The following PLPP3 variants were observed in gnomAD, a reference collection of about 807,000 sequenced individuals.
PLPP3 encodes the protein PAP2 beta.
In PLPP3, 6 loss-of-function variants were observed where a neutral mutation model predicts 29.6. The observed-to-expected ratio is 0.20, with a 90% CI of 0.11 to 0.40. The LOEUF (loss-of-function observed/expected upper bound fraction) is 0.40, where lower values mean the gene tolerates loss of function less well. PLPP3 is among the 10% of genes least tolerant of loss of function. The pLI is 1.00. For missense variants in PLPP3, 308 were observed against 407.7 expected (o/e 0.76, Z 2.11); for synonymous variants, 152 against 159.7 (o/e 0.95, Z 0.36).
chr1:56,502,270 T>A (rs1645672883), intron 5 of PLPP3, among the ~76,000 whole-genome samples: 1 of 152,150 alleles, frequency 6.6e-6, no homozygotes, highest in South Asian at 2.1e-4. Flanking sequence ...AAAATAGGAA[T>A]CCCATCCTTA....
chr1:56,554,528 C>T (rs193072607), intron 1 of PLPP3, among the ~76,000 whole-genome samples: 30 of 149,796 alleles, frequency 2.0e-4, no homozygotes, highest in Admixed American at 1.5e-3. Context: ...GCAGAGATCA[C>T]GCCTCTGCAC....
At position 56,524,919 on chromosome 1, in the gene PLPP3, A is replaced by G. The variant is rs1645843618; in HGVS notation, c.298-365T>C. 6.6e-6 allele frequency among the ~76,000 whole-genome samples: 1 copy of G among 152,078 alleles called. No homozygotes were observed. The highest frequency in any genetic ancestry group is 1.5e-5 in the Non-Finnish European group (1 of 68,008). On this transcript the variant is annotated intron_variant, in intron 2 of 5. Coordinates refer to ENST00000371250, the MANE Select transcript of PLPP3 (RefSeq NM_003713.5). The surrounding 1 kb of genome is among the most constrained non-coding windows in gnomAD (Gnocchi z 4.3). Reference sequence around the variant, plus strand: ...ATCAACGACAAGGTAAAGGGTAGCTATGATGTCACAGGGTCTGAGCAAATC... The same window carrying G: ...ATCAACGACAAGGTAAAGGGTAGCTGTGATGTCACAGGGTCTGAGCAAATC...
intron 1 of PLPP3, chr1:56,538,616 A>T: frequency 2.8e-6 from 1 of 353,110 alleles, no homozygotes; most frequent in South Asian, 3.0e-5. Flanking sequence ...ATGCCCCACA[A>T]GTGTTACCAT....
intron 1 of PLPP3, among the ~76,000 whole-genome samples, chr1:56,552,230 A>T (rs1314744673): frequency 6.6e-6 from 1 of 151,826 alleles, no homozygotes; most frequent in Non-Finnish European, 1.5e-5. Context: ...TATAAAAAAA[A>T]AAAAAAAAAA....
At chr1:56,516,689 G>C (rs1396601770) in intron 4 of PLPP3, among the ~76,000 whole-genome samples, 2 of 151,276 alleles carry the variant, frequency 1.3e-5, no homozygotes, top group Non-Finnish European at 2.9e-5. Flanking sequence ...TGCAGCCACA[G>C]CAACTAGATT....
intron 1 of PLPP3, among the ~76,000 whole-genome samples, chr1:56,539,417 T>A (rs192199946): frequency 3.9e-5 from 6 of 152,242 alleles, no homozygotes; most frequent in Non-Finnish European, 7.3e-5. Flanking sequence ...TCACTGTGCA[T>A]ACACACATGG....
At chr1:56,543,261 C>G (rs1196681877) in intron 1 of PLPP3, among the ~76,000 whole-genome samples, 2 of 152,132 alleles carry the variant, frequency 1.3e-5, no homozygotes, top group Non-Finnish European at 2.9e-5. Context: ...TTAATCTCCA[C>G]GATAGCTATG....
intron 2 of PLPP3, among the ~76,000 whole-genome samples, chr1:56,527,049 T>C (rs1272694566): frequency 2.6e-5 from 4 of 152,214 alleles, no homozygotes; most frequent in Non-Finnish European, 4.4e-5. Context: ...ATCTCTTTTA[T>C]GAATTTACTG....
intron 5 of PLPP3, among the ~76,000 whole-genome samples, chr1:56,499,124 A>T (rs149105724): frequency 7.4e-6 from 1 of 134,370 alleles, no homozygotes; most frequent in African/African-American, 2.8e-5. Flanking sequence ...CTACCACCTC[A>T]ATCTACTGGC....
chr1:56,569,879 C>T (rs1250717811), intron 1 of PLPP3, among the ~76,000 whole-genome samples: 1 of 152,176 alleles, frequency 6.6e-6, no homozygotes, highest in Non-Finnish European at 1.5e-5. Flanking sequence ...TGCTGCAATA[C>T]CTTCTCCCCC....
At chr1:56,540,110 C>T (rs1332967796) in intron 1 of PLPP3, among the ~76,000 whole-genome samples, 1 of 152,162 alleles carries the variant, frequency 6.6e-6, no homozygotes, top group Admixed American at 6.5e-5. Flanking sequence ...CTTGACTCTG[C>T]TCCCTACTAC....
chr1:56,526,789 C>G (rs1260256677), intron 2 of PLPP3, among the ~76,000 whole-genome samples: 1 of 152,198 alleles, frequency 6.6e-6, no homozygotes, highest in Non-Finnish European at 1.5e-5. Flanking sequence ...CCACCACTAG[C>G]CTGCCAACCA....
intron 1 of PLPP3, among the ~76,000 whole-genome samples, chr1:56,561,928 A>G (rs12058459): frequency 0.045 from 6,801 of 150,620 alleles, 396 homozygotes; most frequent in African/African-American, 0.13. Context: ...CCAGCTACTC[A>G]GAAGGCTGAG....
intron 4 of PLPP3, among the ~76,000 whole-genome samples, chr1:56,514,690 T>C (rs773482173): frequency 2.0e-5 from 3 of 152,202 alleles, no homozygotes; most frequent in Non-Finnish European, 4.4e-5. Context: ...TTAATCACTA[T>C]TTTCAGAGAA....
chr1:56,502,516 A>T (rs1645675360), intron 5 of PLPP3, among the ~76,000 whole-genome samples: 1 of 152,214 alleles, frequency 6.6e-6, no homozygotes, highest in South Asian at 2.1e-4. Flanking sequence ...CACTACAGTT[A>T]TTTGTTATCC....
chr1:56,514,114 A>T (rs977105826), intron 4 of PLPP3, among the ~76,000 whole-genome samples: 1 of 152,176 alleles, frequency 6.6e-6, no homozygotes, highest in Non-Finnish European at 1.5e-5. Context: ...AGTGCTAAAG[A>T]CAAAGAAAAA....
intron 4 of PLPP3, among the ~76,000 whole-genome samples, chr1:56,518,894 T>C (rs879724207): frequency 2.0e-5 from 3 of 151,754 alleles, no homozygotes; most frequent in Non-Finnish European, 4.4e-5. Context: ...CAAGTAAGTA[T>C]GTAGTATGTC....
chr1:56,514,828 C>T (rs916266553), intron 4 of PLPP3, among the ~76,000 whole-genome samples: 2 of 152,128 alleles, frequency 1.3e-5, no homozygotes, highest in African/African-American at 2.4e-5. Context: ...AAGACTGGGT[C>T]ACTATAGGCA....
intron 5 of PLPP3, among the ~76,000 whole-genome samples, chr1:56,497,256 T>A (rs1157905438): frequency 1.3e-5 from 2 of 152,230 alleles, no homozygotes. Flanking sequence ...GAACGGTTAA[T>A]GACAAATCTC....
Sources: allele counts gnomAD v4.1 joint callset (sites outside exome capture counted in the v4.1 genomes callset), GRCh38; gene constraint gnomAD v4.1.1; non-coding constraint Gnocchi (gnomAD v3.1); transcripts MANE v1.5; gene names NCBI Gene and HGNC (gene_info 2026-07-23, HGNC 2026-07-21).